ABTB2: variants seen among roughly 807,000 people sequenced by gnomAD.
ABTB2 encodes ankyrin repeat and BTB/POZ domain-containing protein 2.
In ABTB2, 56 loss-of-function variants were observed where a neutral mutation model predicts 104.1. The ratio of observed to expected loss-of-function variants is 0.54; its 90% confidence interval spans 0.43 to 0.67. The LOEUF is 0.67. Among genes scored for constraint, ABTB2 ranks in the 30% least tolerant of loss-of-function variants. The pLI is 0.00. For missense variants in ABTB2, 1,279 were observed against 1,407.7 expected (o/e 0.91, Z 1.46); for synonymous variants, 606 against 608.2 (o/e 1.00, Z 0.05).
chr11:34,335,868 A>G, intron 1 of ABTB2: 2 of 1,058,286 alleles, frequency 1.9e-6, no homozygotes, highest in Non-Finnish European at 2.9e-6. Context: ...CTGGAGGTAG[A>G]GCGGCCACAT....
At chr11:34,186,904 C>A (rs761265147) in intron 3 of ABTB2, among the ~76,000 whole-genome samples, 2 of 152,196 alleles carry the variant, frequency 1.3e-5, no homozygotes, top group Non-Finnish European at 2.9e-5. Flanking sequence ...AGGTGCTGAC[C>A]GAGATCCCCG....
chr11:34,196,548 C>T (rs976691431), intron 3 of ABTB2, among the ~76,000 whole-genome samples: 7 of 152,056 alleles, frequency 4.6e-5, no homozygotes, highest in East Asian at 1.9e-4. Context: ...AGCAAGACTC[C>T]GTCTAAAAAA....
At chr11:34,274,890 A>C (rs1464392676) in intron 1 of ABTB2, among the ~76,000 whole-genome samples, 1 of 152,166 alleles carries the variant, frequency 6.6e-6, no homozygotes, top group Non-Finnish European at 1.5e-5. Context: ...CCTCAGGCAG[A>C]GGTTGCCAGC....
At chr11:34,344,764 C>T (rs1292957732) in intron 1 of ABTB2, among the ~76,000 whole-genome samples, 1 of 152,192 alleles carries the variant, frequency 6.6e-6, no homozygotes, top group Non-Finnish European at 1.5e-5. Flanking sequence ...TCCTAAGGTG[C>T]TAGGATTACA....
intron 2 of ABTB2, among the ~76,000 whole-genome samples, chr11:34,202,695 C>T (rs1853359049): frequency 6.6e-6 from 1 of 152,122 alleles, no homozygotes; most frequent in Admixed American, 6.5e-5. Flanking sequence ...CAAAAATTAG[C>T]TAGGTGTGGT....
At chr11:34,294,387 C>T (rs1407309654) in intron 1 of ABTB2, among the ~76,000 whole-genome samples, 2 of 152,156 alleles carry the variant, frequency 1.3e-5, no homozygotes, top group Non-Finnish European at 2.9e-5. Context: ...TCTGACAATA[C>T]ACAACTTGTT....
At chr11:34,335,977 G>T in intron 1 of ABTB2, 4 of 593,276 alleles carry the variant, frequency 6.7e-6, no homozygotes, top group Non-Finnish European at 9.2e-6. Flanking sequence ...AAACAGTCTG[G>T]CTCTGTTACA....
chr11:34,158,771 A>G (rs776966511), intron 14 of ABTB2, among the ~76,000 whole-genome samples: 7 of 152,218 alleles, frequency 4.6e-5, no homozygotes, highest in African/African-American at 1.4e-4. Flanking sequence ...ACTTTGATCT[A>G]CAGTCAGGAT....
At chr11:34,203,831 C>T (rs150940020) in intron 2 of ABTB2, among the ~76,000 whole-genome samples, 1 of 152,328 alleles carries the variant, frequency 6.6e-6, no homozygotes, top group Non-Finnish European at 1.5e-5. Flanking sequence ...ATGCTGTGTG[C>T]TATGACCCCT....
chr11:34,175,141 C>G lies in ABTB2; in HGVS notation c.1245-1834G>C, dbSNP rs576568266. 3.1e-4 allele frequency among the ~76,000 whole-genome samples: 47 copies of G among 152,256 alleles called. 1 individual carries two copies. The highest frequency in any genetic ancestry group is 6.0e-4 in the Non-Finnish European group (41 of 68,046). ...GAGTCAGCCTGGGCTGCCCTCGGAA[C>G]CCCTATCTCAGGTCTCCAAAAGCTC... On this transcript the variant is annotated intron_variant, in intron 3 of 16. Transcript: ENST00000435224.
chr11:34,180,627 G>A (rs931487131), intron 3 of ABTB2, among the ~76,000 whole-genome samples: 1 of 152,178 alleles, frequency 6.6e-6, no homozygotes, highest in African/African-American at 2.4e-5. Context: ...TGAGAAGCAT[G>A]GGAAATCCCT....
intron 16 of ABTB2, 134 bp from the exon 17 acceptor site, chr11:34,152,718 C>T (rs1852562889): frequency 1.2e-6 from 1 of 800,514 alleles, no homozygotes; most frequent in Admixed American, 2.5e-5. Flanking sequence ...CGTTCCCTGT[C>T]CCTGCATCCT....
intron 1 of ABTB2, among the ~76,000 whole-genome samples, chr11:34,315,222 G>A (rs1192448944): frequency 3.3e-5 from 5 of 152,208 alleles, no homozygotes; most frequent in East Asian, 1.9e-4. Flanking sequence ...ACCCTTGGTC[G>A]AGGAGCCCCA....
chr11:34,263,610 T>C (rs1854214535), intron 1 of ABTB2, among the ~76,000 whole-genome samples: 3 of 152,182 alleles, frequency 2.0e-5, no homozygotes, highest in Admixed American at 1.3e-4. Context: ...GGCTGACTCA[T>C]TCTTGCAGAG....
At chr11:34,195,074 G>GC (rs1309037974) in intron 3 of ABTB2, among the ~76,000 whole-genome samples, 13 of 76,552 alleles carry the variant, frequency 1.7e-4, no homozygotes, top group Non-Finnish European at 2.6e-4. Context: ...AAGATGCCCG[G>GC]CGGGGGGGGG....
At chr11:34,227,503 T>C (rs979092700) in intron 1 of ABTB2, among the ~76,000 whole-genome samples, 16 of 152,254 alleles carry the variant, frequency 1.1e-4, no homozygotes, top group Admixed American at 5.9e-4. Context: ...TGTTGTAGCA[T>C]GTATCAGTAC....
At chr11:34,156,419 C>T (rs1015537853) in intron 14 of ABTB2, among the ~76,000 whole-genome samples, 2 of 152,142 alleles carry the variant, frequency 1.3e-5, no homozygotes, top group African/African-American at 2.4e-5. Flanking sequence ...TGTAGAAGGG[C>T]AGCAGGGTTT....
At chr11:34,230,872 T>C (rs1232591494) in intron 1 of ABTB2, among the ~76,000 whole-genome samples, 1 of 152,202 alleles carries the variant, frequency 6.6e-6, no homozygotes, top group African/African-American at 2.4e-5. Flanking sequence ...TTCTGGTTTC[T>C]CTTTTTCTTT....
chr11:34,253,817 C>G (rs1304559940), intron 1 of ABTB2, among the ~76,000 whole-genome samples: 1 of 152,182 alleles, frequency 6.6e-6, no homozygotes, highest in Non-Finnish European at 1.5e-5. Flanking sequence ...GGGAGCAAAA[C>G]TCTTCATTCT....
Sources: allele counts gnomAD v4.1 joint callset (sites outside exome capture counted in the v4.1 genomes callset), GRCh38; gene constraint gnomAD v4.1.1; transcripts MANE v1.5; gene names NCBI Gene and HGNC (gene_info 2026-07-23, HGNC 2026-07-21).